Variants in TMEM230 observed in about 807,000 individuals in gnomAD.
TMEM230 encodes the protein UPF0414 transmembrane protein C20orf30.
Under a neutral mutation model 15.8 loss-of-function variants are expected in TMEM230, and 10 were observed. That is an observed-to-expected ratio of 0.63 (90% CI 0.39 to 1.07). The LOEUF is 1.07. TMEM230 is among the 50% of genes least tolerant of loss of function. The pLI is 0.01. For missense variants in TMEM230, 165 were observed against 193.3 expected (o/e 0.85, Z 0.87); for synonymous variants, 67 against 76.9 (o/e 0.87, Z 0.68).
At chr20:5,111,687 A>T in intron 1 of TMEM230, 1 of 482,160 alleles carries the variant, frequency 2.1e-6, no homozygotes. Flanking sequence ...ACATAAAAAA[A>T]GGACTAGTTT....
chr20:5,087,696 CTTTT>C (rs561757286), intron 3 of TMEM230, among the ~76,000 whole-genome samples: 1,318 of 99,522 alleles, frequency 0.013, 16 homozygotes, highest in African/African-American at 0.039. Flanking sequence ...GAAAGTATGG[CTTTT>C]TTTTTTTTTT....
At chr20:5,088,084 G>C (rs62200434) in intron 3 of TMEM230, among the ~76,000 whole-genome samples, 77,175 of 148,238 alleles carry the variant, frequency 0.52, 20,709 homozygotes, top group East Asian at 0.84. Flanking sequence ...CAAGGTGGGC[G>C]GATTGCCTGA....
chr20:5,079,859 ATCC>A (rs1315830949), intron 3 of TMEM230, among the ~76,000 whole-genome samples: 1 of 152,000 alleles, frequency 6.6e-6, no homozygotes. Context: ...GGCTGAGGTG[ATCC>A]TCCTGCCTCA....
At chr20:5,092,265 G>A (rs553968882) in intron 3 of TMEM230, among the ~76,000 whole-genome samples, 8 of 152,246 alleles carry the variant, frequency 5.3e-5, no homozygotes, top group Admixed American at 1.3e-4. Context: ...ATCTTGAGTC[G>A]ATGTTCAGAA....
chr20:5,102,145 G>T (rs943865378), intron 4 of TMEM230, among the ~76,000 whole-genome samples: 2 of 152,196 alleles, frequency 1.3e-5, no homozygotes, highest in East Asian at 3.8e-4. Flanking sequence ...AGGAACTATG[G>T]AAGTTTACTG....
At chr20:5,076,632 TTC>T (rs1464412051) in intron 3 of TMEM230, among the ~76,000 whole-genome samples, 1 of 152,136 alleles carries the variant, frequency 6.6e-6, no homozygotes, top group Non-Finnish European at 1.5e-5. Context: ...TCTATGTATA[TTC>T]TCTGTGTATA....
intron 4 of TMEM230, among the ~76,000 whole-genome samples, chr20:5,102,580 G>A (rs2089913667): frequency 6.6e-6 from 1 of 151,454 alleles, no homozygotes; most frequent in Non-Finnish European, 1.5e-5. Flanking sequence ...GGTCCCAGTT[G>A]CTAGTGAGGC....
chr20:5,070,965 T>C (rs568009605), intron 3 of TMEM230, among the ~76,000 whole-genome samples: 34 of 152,280 alleles, frequency 2.2e-4, no homozygotes, highest in Admixed American at 2.6e-4. Flanking sequence ...ATAAAAGAAA[T>C]TGGCTTCCCA....
At chr20:5,103,069 A>G (rs1011488125) in intron 4 of TMEM230, among the ~76,000 whole-genome samples, 39 of 152,314 alleles carry the variant, frequency 2.6e-4, no homozygotes, top group South Asian at 4.1e-4. Flanking sequence ...AGCATTTGAT[A>G]AAATTCTACA....
downstream of TMEM230, among the ~76,000 whole-genome samples, chr20:5,096,585 G>A (rs910558124): frequency 4.6e-5 from 7 of 152,342 alleles, no homozygotes; most frequent in African/African-American, 1.7e-4. Context: ...AGTGGCAGGA[G>A]GTTCTCCTGT....
At chr20:5,102,007 C>T (rs1444336929) in intron 4 of TMEM230, among the ~76,000 whole-genome samples, 1 of 152,188 alleles carries the variant, frequency 6.6e-6, no homozygotes, top group Non-Finnish European at 1.5e-5. Flanking sequence ...CATGCTGCTC[C>T]AGCTACAGCC....
chr20:5,078,407 T>C (rs73893887), intron 3 of TMEM230, among the ~76,000 whole-genome samples: 3 of 152,146 alleles, frequency 2.0e-5, no homozygotes, highest in African/African-American at 7.2e-5. Context: ...TGCTAATCAT[T>C]CATGTTTCTA....
chr20:5,112,622 A>G, intron 1 of TMEM230: 2 of 1,176,238 alleles, frequency 1.7e-6, no homozygotes, highest in Non-Finnish European at 2.2e-6. Context: ...GCTTTTTACC[A>G]GCTCACCGCT....
intron 3 of TMEM230, among the ~76,000 whole-genome samples, chr20:5,071,178 G>A (rs111606743): frequency 2.0e-5 from 3 of 152,216 alleles, no homozygotes; most frequent in Admixed American, 6.5e-5. Context: ...AATTATTAGC[G>A]AATGCCTCAG....
chr20:5,106,778 TC>T (rs545268391), intron 3 of TMEM230, among the ~76,000 whole-genome samples: 62 of 152,278 alleles, frequency 4.1e-4, no homozygotes, highest in African/African-American at 1.4e-3. Context: ...CAATTACAGC[TC>T]ATTGCAGCCT....
intron 3 of TMEM230, among the ~76,000 whole-genome samples, chr20:5,087,774 A>T (rs1261497644): frequency 6.7e-6 from 1 of 148,174 alleles, no homozygotes; most frequent in Non-Finnish European, 1.5e-5. Context: ...GACACCAGAG[A>T]AAAACAAGCT....
At chr20:5,073,850 C>A (rs1342589065) in intron 3 of TMEM230, among the ~76,000 whole-genome samples, 14 of 152,176 alleles carry the variant, frequency 9.2e-5, no homozygotes, top group Non-Finnish European at 1.5e-4. Flanking sequence ...GCAGGAATAC[C>A]TGAAGCTGGG....
rs749929056 is a variant in TMEM230, at chr20:5,100,913, GA to G, written c.429del (p.Pro144GlnfsTer3). 3.1e-6 allele frequency: 5 copies of G among 1,614,032 alleles called. No individual in the cohort carries two copies. The East Asian group carries it at 1.1e-4, about 36-fold the overall frequency. On this transcript the variant is annotated frameshift_variant, in exon 5 of 5. Transcript: ENST00000342308. LOFTEE classifies it high-confidence loss of function. ...ACCAGAATGCCAATGATCAGCACTG[GA>G]ACGGCCCGGTCTGCCCCCTGGTGGC...
intron 2 of TMEM230, 36 bp from the exon 2 acceptor site, chr20:5,109,481 T>C: frequency 6.8e-7 from 1 of 1,481,234 alleles, no homozygotes; most frequent in South Asian, 1.2e-5. Context: ...TTATTGTCTG[T>C]AGATGACAAT....
Sources: gnomAD v4.1 joint callset for allele counts (sites outside exome capture counted in the v4.1 genomes callset) on GRCh38, gnomAD v4.1.1 for gene constraint, MANE v1.5 for transcripts, NCBI Gene and HGNC (gene_info 2026-07-23, HGNC 2026-07-21) for gene names.